The following ARHGEF3 variants were observed in gnomAD, a reference collection of about 807,000 sequenced individuals.
ARHGEF3 encodes the protein 59.8 kDA protein.
Under a neutral mutation model 63.2 loss-of-function variants are expected in ARHGEF3, and 28 were observed. The ratio of observed to expected loss-of-function variants is 0.44; its 90% CI spans 0.33 to 0.61. ARHGEF3 has a LOEUF of 0.61. Ranked by LOEUF, ARHGEF3 falls within the 20% of genes least tolerant of loss-of-function variation. The pLI, the probability that ARHGEF3 is intolerant of heterozygous loss-of-function variation, is 0.03. For missense variants in ARHGEF3, 533 were observed against 659.3 expected, an observed-to-expected ratio of 0.81 and a Z score of 2.10; for synonymous variants, 266 against 254.2, an observed-to-expected ratio of 1.05 and a Z score of -0.44.
chr3:56,798,996 T>C (rs17057321), intron 1 of ARHGEF3, among the ~76,000 whole-genome samples: 34,885 of 152,088 alleles, frequency 0.23, 6,406 homozygotes, highest in African/African-American at 0.51. Context: ...ATAATCCCTG[T>C]AGAATATTTT....
At chr3:56,838,217 TA>T (rs1414599133) in intron 4 of ARHGEF3, among the ~76,000 whole-genome samples, 1 of 152,184 alleles carries the variant, frequency 6.6e-6, no homozygotes, top group Non-Finnish European at 1.5e-5. Context: ...GTAAAGTATG[TA>T]AAAAATACTG....
At chr3:56,909,078 C>T (rs1201036075) in intron 3 of ARHGEF3, among the ~76,000 whole-genome samples, 8 of 152,212 alleles carry the variant, frequency 5.3e-5, no homozygotes, top group Admixed American at 2.6e-4. Context: ...CAGAAAAACA[C>T]CGCTTCGCTT....
intron 1 of ARHGEF3, among the ~76,000 whole-genome samples, chr3:57,037,897 AAAAC>A (rs1427173065): frequency 1.9e-4 from 28 of 151,348 alleles, no homozygotes; most frequent in African/African-American, 5.6e-4. Context: ...AAAACAAAAC[AAAAC>A]AAAACCCATC....
At chr3:56,935,487 C>T (rs2108404944) in intron 3 of ARHGEF3, among the ~76,000 whole-genome samples, 1 of 152,330 alleles carries the variant, frequency 6.6e-6, no homozygotes, top group South Asian at 2.1e-4. Context: ...AATCTTGCTA[C>T]TGCTCACTCT....
intron 3 of ARHGEF3, chr3:56,938,827 C>T (rs897732961): frequency 4.6e-5 from 7 of 152,256 alleles, no homozygotes; most frequent in Non-Finnish European, 1.0e-4. Flanking sequence ...GAGTCTCTTG[C>T]TTGAAGTTCA....
rs746339999 is a variant in ARHGEF3 at position 56,751,100 on chromosome 3, G to A, written c.568C>T (p.Pro190Ser). The change falls in exon 6 of 10, where the codon CCT (proline) becomes TCT (serine). Residue 190 changes from proline to serine, a missense_variant. Around this residue, in one of 4 missense-constraint regions of ARHGEF3, gnomAD observed 107 missense variants for 207.9 expected, o/e 0.51. Transcript: ENST00000296315. ...LLSQLRDVRKPDGSTEHVGPI... is the reference protein window; with the variant it reads ...LLSQLRDVRKSDGSTEHVGPI... The stretch of plus-strand genomic sequence containing the variant: ...CCAACATGTTCAGTCGAGCCATCAG[G>A]CTTCCTAACATCTCGAAGCTGACTA... The A allele has an allele frequency of 6.2e-7, 1 of 1,614,080 alleles. No homozygotes were observed.
At chr3:56,882,413 A>C in intron 3 of ARHGEF3, 1 of 1,456,276 alleles carries the variant, frequency 6.9e-7, no homozygotes, top group Non-Finnish European at 9.4e-7. Flanking sequence ...GCTTTGATTA[A>C]GGCAAGAAAA....
At chr3:56,827,752 C>CAAAAAAAAAAAAAAAAAA (rs35949919) in intron 4 of ARHGEF3, among the ~76,000 whole-genome samples, 5 of 68,416 alleles carry the variant, frequency 7.3e-5, no homozygotes, top group Non-Finnish European at 1.2e-4. Context: ...CCTGTCTCTA[C>CAAAAAAAAAAAAAAAAAA]AAAAAAAAAA....
At chr3:56,814,619 C>T (rs923187339) in intron 4 of ARHGEF3, among the ~76,000 whole-genome samples, 2 of 151,978 alleles carry the variant, frequency 1.3e-5, no homozygotes, top group African/African-American at 2.4e-5. Flanking sequence ...ACAGTTAGCA[C>T]GTCATGCTAT....
intron 4 of ARHGEF3, among the ~76,000 whole-genome samples, chr3:56,859,424 C>T (rs558727559): frequency 1.9e-4 from 29 of 152,140 alleles, no homozygotes; most frequent in African/African-American, 6.7e-4. Context: ...CAGGCAGGAG[C>T]CACCGTGCTC....
intron 2 of ARHGEF3, among the ~76,000 whole-genome samples, chr3:57,010,442 C>T (rs4333064): frequency 0.012 from 1,676 of 135,804 alleles, 36 homozygotes; most frequent in African/African-American, 0.045. Flanking sequence ...GGTGACAGAA[C>T]GAGACTCCAT....
chr3:56,826,647 G>C (rs1197415942), intron 4 of ARHGEF3, among the ~76,000 whole-genome samples: 1 of 152,164 alleles, frequency 6.6e-6, no homozygotes, highest in African/African-American at 2.4e-5. Context: ...GATCTCATAA[G>C]TATCCAAAGC....
chr3:56,947,917 T>A (rs1560075290), intron 3 of ARHGEF3, among the ~76,000 whole-genome samples: 1 of 152,186 alleles, frequency 6.6e-6, no homozygotes, highest in Non-Finnish European at 1.5e-5. Flanking sequence ...ACAGAAGTTA[T>A]AACAAACTGT....
At chr3:57,036,720 A>G (rs1402426161) in intron 1 of ARHGEF3, among the ~76,000 whole-genome samples, 1 of 152,212 alleles carries the variant, frequency 6.6e-6, no homozygotes. Flanking sequence ...ATTGGTCTCC[A>G]GCCTGTCATC....
chr3:56,974,915 T>C (rs970792196), intron 2 of ARHGEF3, among the ~76,000 whole-genome samples: 3 of 152,152 alleles, frequency 2.0e-5, no homozygotes, highest in Admixed American at 2.0e-4. Context: ...CCAGGACTCC[T>C]TGTTTGTGCT....
intron 2 of ARHGEF3, among the ~76,000 whole-genome samples, chr3:56,972,010 A>G (rs1700933387): frequency 6.6e-6 from 1 of 151,974 alleles, no homozygotes; most frequent in Admixed American, 6.6e-5. Context: ...ACCTTATCTC[A>G]TCATAACAAA....
intron 3 of ARHGEF3, among the ~76,000 whole-genome samples, chr3:56,887,634 A>G (rs1481048090): frequency 6.6e-6 from 1 of 152,206 alleles, no homozygotes; most frequent in Non-Finnish European, 1.5e-5. Context: ...CAGGAAGGGC[A>G]CTGTGTGTGA....
chr3:57,013,031 G>A (rs531120534), intron 2 of ARHGEF3, among the ~76,000 whole-genome samples: 2 of 152,194 alleles, frequency 1.3e-5, no homozygotes, highest in Non-Finnish European at 2.9e-5. Flanking sequence ...AGGGTGCACC[G>A]GATCCCCCAG....
intron 3 of ARHGEF3, among the ~76,000 whole-genome samples, chr3:56,922,242 A>C (rs1464324630): frequency 6.6e-6 from 1 of 152,186 alleles, no homozygotes; most frequent in African/African-American, 2.4e-5. Flanking sequence ...ATTTCTTAGA[A>C]ACATAAACAC....
Sources: gnomAD v4.1 joint callset for allele counts (sites outside exome capture counted in the v4.1 genomes callset) on GRCh38, gnomAD v4.1.1 for gene constraint, gnomAD v4.1.1 regional missense constraint, MANE v1.5 for transcripts, NCBI Gene and HGNC (gene_info 2026-07-23, HGNC 2026-07-21) for gene names.